Variants in NAV1 observed in about 807,000 individuals in gnomAD.
NAV1 encodes neuron navigator 1.
Under a neutral mutation model 175.2 loss-of-function variants are expected in NAV1, and 18 were observed. The ratio of observed to expected loss-of-function variants is 0.10; its 90% CI spans 0.07 to 0.15. The LOEUF is 0.15. Among genes scored for constraint, NAV1 ranks in the 10% least tolerant of loss-of-function variants. The pLI, the probability that NAV1 is intolerant of heterozygous loss-of-function variation, is 1.00. For missense variants in NAV1, 1,731 were observed against 2,436.6 expected, an observed-to-expected ratio of 0.71 and a Z score of 6.10; for synonymous variants, 897 against 978.7, an observed-to-expected ratio of 0.92 and a Z score of 1.56.
chr1:201,638,052 T>C (rs1031516476), intron 2 of NAV1, among the ~76,000 whole-genome samples: 1 of 152,176 alleles, frequency 6.6e-6, no homozygotes, highest in African/African-American at 2.4e-5. Context: ...AGATTAGGTG[T>C]TCTTCTGCCT....
At chr1:201,589,204 T>G (rs1667120240) in intron 2 of NAV1, among the ~76,000 whole-genome samples, 1 of 152,190 alleles carries the variant, frequency 6.6e-6, no homozygotes, top group Non-Finnish European at 1.5e-5. Flanking sequence ...GAAAGAAATC[T>G]ATTCAGCCCC....
chr1:201,637,267 A>C (rs533872778), intron 2 of NAV1, among the ~76,000 whole-genome samples: 1 of 152,320 alleles, frequency 6.6e-6, no homozygotes, highest in South Asian at 2.1e-4. Flanking sequence ...GATGGGTAAA[A>C]GCTTCTCATT....
Position 201,813,108 on chromosome 1 carries a change from A to G in NAV1, c.5222-32A>G, listed in dbSNP as rs893307624. ...CACAACCGGGAAGATCTAGGTTCCC[A>G]GCCATCTTCATGGCCCCATCCTCTT... On this transcript the variant is annotated intron_variant, in intron 27 of 29. Transcript: ENST00000367296. The surrounding 1 kb of genome is among the most constrained non-coding windows in gnomAD (Gnocchi z 4.2). 2.7e-6 allele frequency: 4 copies of G among 1,502,728 alleles called. No homozygotes were observed. The African/African-American group carries it at 4.1e-5, about 16-fold the overall frequency. 93.1% of individuals were successfully genotyped at this position (1,502,728 alleles called of 1,614,324 possible).
At chr1:201,643,633 G>A (rs532694570), upstream of NAV1, among the ~76,000 whole-genome samples, 1 of 151,904 alleles carries the variant, frequency 6.6e-6, no homozygotes, top group Admixed American at 6.5e-5. Context: ...GGCTAGTCTC[G>A]AACTCCTGAC....
intron 15 of NAV1, among the ~76,000 whole-genome samples, chr1:201,803,069 A>G (rs1213847484): frequency 6.6e-6 from 1 of 152,218 alleles, no homozygotes; most frequent in African/African-American, 2.4e-5. Context: ...GTTGTAGAAA[A>G]GTAAGATTAT....
rs541635520 is a variant in NAV1, at chr1:201,590,181, C to A, written c.-33+1532C>A. Among the ~76,000 whole-genome samples, 5 of 152,342 alleles carry A rather than the reference C, an allele frequency of 3.3e-5. No individual in the cohort carries two copies. In the South Asian group the frequency reaches 1.0e-3, roughly 32 times the overall value. On this transcript the variant is annotated intron_variant, in intron 2 of 33. Coordinates refer to the NAV1 transcript ENST00000685211. The stretch of plus-strand genomic sequence containing the variant: ...GTACTGGGATTACAGGCATGAGCCA[C>A]CATGCCCGCCCAGGGAAGACAGTAT...
chr1:201,602,271 C>A (rs988453675), intron 2 of NAV1, among the ~76,000 whole-genome samples: 1 of 152,182 alleles, frequency 6.6e-6, no homozygotes, highest in Non-Finnish European at 1.5e-5. Flanking sequence ...GAATTGGACC[C>A]CACTGGGCCT....
intron 15 of NAV1, chr1:201,798,695 C>CTTTTTTTTTTTT (rs764483919): frequency 2.9e-5 from 2 of 69,498 alleles, no homozygotes; most frequent in Non-Finnish European, 4.8e-5. Context: ...TTTTCTCTCT[C>CTTTTTTTTTTTT]TTTTTTTTTT....
At chr1:201,698,358 G>A (rs1255296852) in intron 1 of NAV1, among the ~76,000 whole-genome samples, 2 of 152,230 alleles carry the variant, frequency 1.3e-5, no homozygotes, top group African/African-American at 2.4e-5. Flanking sequence ...TTGGCTGCAA[G>A]CTCCCTGAGG....
chr1:201,809,458 A>T (rs1558190639), exon 22 of NAV1: 1 of 1,614,064 alleles, frequency 6.2e-7, no homozygotes, highest in Non-Finnish European at 8.5e-7. Flanking sequence ...AAGCAGCAGG[A>T]ATTCTTCCTG....
intron 2 of NAV1, among the ~76,000 whole-genome samples, chr1:201,717,009 C>G (rs1386959818): frequency 6.6e-6 from 1 of 152,344 alleles, no homozygotes; most frequent in South Asian, 2.1e-4. Context: ...AGGGCCTCCC[C>G]CATCTTGCCC....
intron 1 of NAV1, among the ~76,000 whole-genome samples, chr1:201,663,309 T>C (rs530058438): frequency 7.9e-5 from 12 of 152,272 alleles, no homozygotes; most frequent in African/African-American, 2.9e-4. Flanking sequence ...CAACAGACCG[T>C]GAGATGTGGA....
intron 1 of NAV1, among the ~76,000 whole-genome samples, chr1:201,628,403 C>T (rs1668396284): frequency 6.6e-6 from 1 of 152,140 alleles, no homozygotes; most frequent in African/African-American, 2.4e-5. Context: ...CTTTTCACCC[C>T]ATGATGGAAG....
At chr1:201,594,741 T>G (rs1187480931) in intron 2 of NAV1, among the ~76,000 whole-genome samples, 1 of 152,156 alleles carries the variant, frequency 6.6e-6, no homozygotes, top group Non-Finnish European at 1.5e-5. Context: ...TGGACAGCCT[T>G]GTCTGTGTAG....
At chr1:201,653,848 G>A (rs1486528389) in intron 1 of NAV1, among the ~76,000 whole-genome samples, 1 of 152,214 alleles carries the variant, frequency 6.6e-6, no homozygotes, top group African/African-American at 2.4e-5. Context: ...AGGTTTGTGT[G>A]TATGTGTGTA....
At chr1:201,739,675 G>A in intron 3 of NAV1, 1 of 652,784 alleles carries the variant, frequency 1.5e-6, no homozygotes, top group African/African-American at 1.9e-5. Context: ...CCCCAGCCCC[G>A]TCGGCACCTC....
chr1:201,617,238 C>T (rs2142499), intron 2 of NAV1, among the ~76,000 whole-genome samples: 1 of 150,442 alleles, frequency 6.6e-6, no homozygotes, highest in Non-Finnish European at 1.5e-5. Flanking sequence ...CTCTCTCTCT[C>T]TCTGTCTGTC....
Position 201,539,463 on chromosome 1 carries a change from T to G in NAV1, c.-144+121T>G, listed in dbSNP as rs1571810188. Among the ~76,000 whole-genome samples the G allele has an allele frequency of 6.6e-6, 1 of 151,218 alleles. No individual in the cohort carries two copies. The highest frequency in any genetic ancestry group is 2.4e-5 in the African/African-American group (1 of 41,192). ...AGACCAAGTCTCGGGGTAGGGGAGG[T>G]TGGTGCCCGAGGGAGGCTGTGGGCT... On this transcript the variant is annotated intron_variant, in intron 1 of 33. Coordinates refer to the NAV1 transcript ENST00000685211. The surrounding 1 kb of genome is among the most constrained non-coding windows in gnomAD (Gnocchi z 5.6).
intron 1 of NAV1, among the ~76,000 whole-genome samples, chr1:201,652,397 G>T (rs1372680698): frequency 6.6e-6 from 1 of 152,160 alleles, no homozygotes; most frequent in African/African-American, 2.4e-5. Flanking sequence ...GCTAACCTTG[G>T]AAGCTGCCAA....
Sources: allele counts gnomAD v4.1 joint callset (sites outside exome capture counted in the v4.1 genomes callset), GRCh38; gene constraint gnomAD v4.1.1; non-coding constraint Gnocchi (gnomAD v3.1); transcripts MANE v1.5; gene names NCBI Gene and HGNC (gene_info 2026-07-23, HGNC 2026-07-21).